RSRC1: variants seen among roughly 807,000 people sequenced by gnomAD.
RSRC1 encodes the protein arginine and serine rich coiled-coil 1.
A neutral mutation model predicts 49.1 loss-of-function variants in RSRC1; 39 were observed. The ratio of observed to expected loss-of-function variants is 0.79; its 90% CI spans 0.61 to 1.04. The LOEUF is 1.04. Ranked by LOEUF, RSRC1 falls within the 50% of genes least tolerant of loss-of-function variation. The pLI, the probability that RSRC1 is intolerant of heterozygous loss-of-function variation, is 0.00. For missense variants in RSRC1, 388 were observed against 402.4 expected, an observed-to-expected ratio of 0.96 and a Z score of 0.31; for synonymous variants, 143 against 130.8, an observed-to-expected ratio of 1.09 and a Z score of -0.63.
chr3:158,462,289 T>C (rs1057369870), intron 7 of RSRC1, among the ~76,000 whole-genome samples: 1 of 151,974 alleles, frequency 6.6e-6, no homozygotes, highest in Non-Finnish European at 1.5e-5. Flanking sequence ...GTGCCCATAG[T>C]ACAAACAGAC....
intron 7 of RSRC1, among the ~76,000 whole-genome samples, chr3:158,474,533 T>C (rs1228548695): frequency 6.6e-6 from 1 of 152,194 alleles, no homozygotes; most frequent in East Asian, 1.9e-4. Context: ...TGAAGTTTGC[T>C]GCATTGATTG....
chr3:158,367,566 A>G lies in RSRC1; in HGVS notation c.583+12658A>G, dbSNP rs913900108. 2.0e-5 allele frequency among the ~76,000 whole-genome samples: 3 copies of G among 152,148 alleles called. No individual in the cohort carries two copies. In the East Asian group the frequency reaches 5.8e-4, roughly 29 times the overall value. ...TATTTTATTGAGGATTTTTGCATCA[A>G]TGTTCATCAGGGAATATCCACTATG... is the stretch of plus-strand genomic sequence containing the variant. On this transcript the variant is annotated intron_variant, in intron 6 of 9. Transcript: ENST00000611884.
chr3:158,391,882 A>G (rs1733319682), intron 6 of RSRC1, among the ~76,000 whole-genome samples: 1 of 152,120 alleles, frequency 6.6e-6, no homozygotes, highest in African/African-American at 2.4e-5. Flanking sequence ...AAGGCATTGA[A>G]TTATAAATAT....
chr3:158,355,870 A>G (rs1007681640), intron 6 of RSRC1, among the ~76,000 whole-genome samples: 11 of 152,008 alleles, frequency 7.2e-5, no homozygotes, highest in Admixed American at 2.0e-4. Flanking sequence ...ATCTATATTT[A>G]TCTATCTATA....
At chr3:158,384,835 C>T (rs772269205) in intron 6 of RSRC1, among the ~76,000 whole-genome samples, 2 of 152,042 alleles carry the variant, frequency 1.3e-5, no homozygotes, top group Non-Finnish European at 2.9e-5. Context: ...GGCAAGGCAA[C>T]CTATGTGATG....
At chr3:158,249,919 A>G (rs975167904) in intron 4 of RSRC1, among the ~76,000 whole-genome samples, 4 of 151,970 alleles carry the variant, frequency 2.6e-5, no homozygotes, top group African/African-American at 9.7e-5. Flanking sequence ...TTTTCATTCT[A>G]TCTATATTTC....
intron 7 of RSRC1, among the ~76,000 whole-genome samples, chr3:158,471,763 G>A (rs1254456112): frequency 6.6e-6 from 1 of 152,086 alleles, no homozygotes; most frequent in African/African-American, 2.4e-5. Context: ...GGAATGGTAA[G>A]AAATTGTTGG....
intron 4 of RSRC1, among the ~76,000 whole-genome samples, chr3:158,235,113 G>A (rs868634223): frequency 1.3e-5 from 2 of 152,010 alleles, no homozygotes; most frequent in South Asian, 2.1e-4. Flanking sequence ...AGTAGTGAGC[G>A]ATTTTTCTTT....
At chr3:158,133,071 CATTTT>C (rs1403300791) in intron 3 of RSRC1, among the ~76,000 whole-genome samples, 6 of 152,054 alleles carry the variant, frequency 3.9e-5, no homozygotes, top group Non-Finnish European at 7.4e-5. Flanking sequence ...TATTCTAACT[CATTTT>C]ATTTTTATTG....
At chr3:158,511,196 A>G (rs1740152136) in intron 7 of RSRC1, among the ~76,000 whole-genome samples, 1 of 151,836 alleles carries the variant, frequency 6.6e-6, no homozygotes, top group Admixed American at 6.6e-5. Context: ...ATGCTGGTGC[A>G]CTGCACCCAC....
intron 6 of RSRC1, among the ~76,000 whole-genome samples, chr3:158,381,356 G>A (rs1251685494): frequency 1.3e-5 from 2 of 152,170 alleles, no homozygotes; most frequent in Admixed American, 6.5e-5. Flanking sequence ...CAAATGCCAT[G>A]TGACACTAAT....
chr3:158,235,058 G>A (rs1723166116), intron 4 of RSRC1, among the ~76,000 whole-genome samples: 1 of 152,018 alleles, frequency 6.6e-6, no homozygotes, highest in South Asian at 2.1e-4. Context: ...TGATGTTGGG[G>A]GAATTATGTT....
At chr3:158,307,887 A>G (rs1465211058) in intron 5 of RSRC1, among the ~76,000 whole-genome samples, 1 of 151,944 alleles carries the variant, frequency 6.6e-6, no homozygotes. Context: ...TTTTAGTAGA[A>G]TCTTTTAATT....
chr3:158,518,232 C>G (rs1393235823), intron 7 of RSRC1, among the ~76,000 whole-genome samples: 1 of 124,244 alleles, frequency 8.0e-6, no homozygotes, highest in East Asian at 2.5e-4. Flanking sequence ...TGGTACTGTT[C>G]TTGACTGGGT....
chr3:158,419,351 A>G (rs1052079767), intron 6 of RSRC1, among the ~76,000 whole-genome samples: 5 of 151,898 alleles, frequency 3.3e-5, no homozygotes, highest in African/African-American at 9.7e-5. Context: ...ACTCTCAGAT[A>G]TGGTCATAGC....
intron 3 of RSRC1, among the ~76,000 whole-genome samples, chr3:158,147,380 A>G (rs1274202725): frequency 2.6e-5 from 4 of 151,788 alleles, no homozygotes; most frequent in Non-Finnish European, 2.9e-5. Context: ...AGCTGGGACT[A>G]CAATTCCATC....
rs1249796165 is a variant in RSRC1, at chr3:158,539,101, G to A, written c.759+1903G>A. ...TATGATGGACTATCCCTAATGCATA[G>A]CAAGGATTTAACTCTCTTGAGGACT... is the stretch of plus-strand genomic sequence containing the variant. On this transcript the variant is annotated intron_variant, in intron 8 of 9. Coordinates refer to ENST00000611884, the MANE Select transcript of RSRC1 (RefSeq NM_001271838.2). This position sits in a 1 kb window ranked among gnomAD's most constrained non-coding sequence, Gnocchi z 4.1. Among the ~76,000 whole-genome samples, 1 of 110,324 alleles carries A rather than the reference G, an allele frequency of 9.1e-6. No individual in the cohort carries two copies. Among genetic ancestry groups the A allele is most frequent in the Non-Finnish European group, 1.9e-5 (1 of 51,764 alleles). The allele number at this position is 110,324 out of a possible 152,430, so 72.4% of individuals were successfully genotyped here.
At chr3:158,147,155 G>T (rs1717189681) in intron 3 of RSRC1, among the ~76,000 whole-genome samples, 2 of 122,240 alleles carry the variant, frequency 1.6e-5, no homozygotes, top group Admixed American at 1.9e-4. Flanking sequence ...AGCAAAATGG[G>T]ACACTGTGTT....
At chr3:158,160,606 C>T (rs1022472036) in intron 3 of RSRC1, among the ~76,000 whole-genome samples, 1 of 152,072 alleles carries the variant, frequency 6.6e-6, no homozygotes, top group African/African-American at 2.4e-5. Flanking sequence ...GGGAAGGGCT[C>T]TTTTCTGATA....
Sources: gnomAD v4.1 joint callset for allele counts (sites outside exome capture counted in the v4.1 genomes callset) on GRCh38, gnomAD v4.1.1 for gene constraint, Gnocchi (gnomAD v3.1) non-coding constraint, MANE v1.5 for transcripts, NCBI Gene and HGNC (gene_info 2026-07-23, HGNC 2026-07-21) for gene names.